Variants in NGEF observed in about 807,000 individuals in gnomAD.
The protein encoded by NGEF is neuronal guanine nucleotide exchange factor.
In NGEF, 31 loss-of-function variants were observed where a neutral mutation model predicts 80.9. The ratio of observed to expected loss-of-function variants is 0.38; its 90% CI spans 0.29 to 0.52. The LOEUF (loss-of-function observed/expected upper bound fraction) is 0.52, where lower values mean the gene tolerates loss of function less well. Ranked by LOEUF, NGEF falls within the 20% of genes least tolerant of loss-of-function variation. The pLI, the probability that NGEF is intolerant of heterozygous loss-of-function variation, is 0.84. For synonymous variants in NGEF, 371 were observed against 370.2 expected, an observed-to-expected ratio of 1.00 and a Z score of -0.03; for missense variants, 709 against 926.2, an observed-to-expected ratio of 0.77 and a Z score of 3.04.
chr2:232,919,511 C>G (rs1016622984), intron 5 of NGEF, among the ~76,000 whole-genome samples: 1 of 152,038 alleles, frequency 6.6e-6, no homozygotes, highest in African/African-American at 2.4e-5. Context: ...TTCACAATTT[C>G]TCTCCACCAT....
At chr2:232,890,479 C>A (rs1013233326) in intron 8 of NGEF, among the ~76,000 whole-genome samples, 3 of 152,120 alleles carry the variant, frequency 2.0e-5, no homozygotes, top group Non-Finnish European at 4.4e-5. Context: ...GCCAGCGAGT[C>A]CTGCCCAACT....
At chr2:232,881,883 T>C (rs549573308) in intron 13 of NGEF, among the ~76,000 whole-genome samples, 7 of 152,226 alleles carry the variant, frequency 4.6e-5, no homozygotes, top group Non-Finnish European at 8.8e-5. Context: ...GGCTTTTTTC[T>C]AGTTAAGCTT....
At chr2:232,922,499 A>G (rs185102925) in intron 4 of NGEF, among the ~76,000 whole-genome samples, 1 of 152,356 alleles carries the variant, frequency 6.6e-6, no homozygotes, top group African/African-American at 2.4e-5. Context: ...AAAGGAATAA[A>G]AAAGAAAATC....
chr2:232,907,084 G>A (rs1377854291), intron 5 of NGEF, among the ~76,000 whole-genome samples: 1 of 148,234 alleles, frequency 6.7e-6, no homozygotes, highest in Non-Finnish European at 1.5e-5. Context: ...TTGTTTGTCT[G>A]CTGACCTTCC....
At chr2:232,958,398 C>A (rs985191344) in intron 3 of NGEF, among the ~76,000 whole-genome samples, 13 of 152,198 alleles carry the variant, frequency 8.5e-5, no homozygotes, top group African/African-American at 2.2e-4. Context: ...CCAGTCTGCA[C>A]AGGTGTATCT....
chr2:232,893,065 G>T lies in NGEF; in HGVS notation c.990-15C>A, dbSNP rs201755906. ...CCAGGAGGAACCTACGAGAGGCAGC[G>T]GCTTGAGGCGGAGGGTGCCCGGGGG... On this transcript the variant is annotated splice_polypyrimidine_tract_variant and intron_variant, in intron 6 of 14. Transcript: ENST00000264051. The T allele has an allele frequency of 6.2e-7, 1 of 1,607,032 alleles. No homozygotes were observed. The highest frequency in any genetic ancestry group is 8.5e-7 in the Non-Finnish European group (1 of 1,176,062).
At chr2:232,950,043 C>T (rs1345006761) in intron 3 of NGEF, among the ~76,000 whole-genome samples, 1 of 152,086 alleles carries the variant, frequency 6.6e-6, no homozygotes, top group Non-Finnish European at 1.5e-5. Context: ...AACTGCTGAC[C>T]TCAGGTGATA....
At chr2:232,891,210 C>A (rs901323678) in intron 8 of NGEF, 148 bp downstream of exon 8, 1 of 1,085,882 alleles carries the variant, frequency 9.2e-7, no homozygotes, top group Non-Finnish European at 1.4e-6. Context: ...GCGCTGCATC[C>A]TCACTGCCCA....
At position 232,881,192 on chromosome 2, in the gene NGEF, C is replaced by T. The variant is rs1158579564; in HGVS notation, c.1896G>A (p.Thr632=). ...PYVAQQPDEL[T]LELADILNIL... ...TGTTGAGGATGTCGGCGAGCTCCAGCGTCAGCTCGTCTGGCTGCTGAGCCA... is the reference window on the plus strand; with the variant it reads ...TGTTGAGGATGTCGGCGAGCTCCAGTGTCAGCTCGTCTGGCTGCTGAGCCA... The change falls in exon 14 of 15, where the codon ACG becomes ACA. Residue 632 remains threonine (T), a synonymous_variant. Transcript: ENST00000264051. 13 of 1,611,784 alleles carry T rather than the reference C, an allele frequency of 8.1e-6. No individual in the cohort carries two copies. Among genetic ancestry groups the T allele is most frequent in the East Asian group, 2.2e-5 (1 of 44,872 alleles).
intron 1 of NGEF, among the ~76,000 whole-genome samples, chr2:233,006,629 T>C (rs1695088930): frequency 6.6e-6 from 1 of 152,196 alleles, no homozygotes; most frequent in South Asian, 2.1e-4. Context: ...TTAACTGTTG[T>C]ATTGGAAAAA....
At chr2:232,962,001 A>G (rs1453769539) in intron 3 of NGEF, among the ~76,000 whole-genome samples, 2 of 152,202 alleles carry the variant, frequency 1.3e-5, no homozygotes, top group Admixed American at 6.5e-5. Context: ...CTTCATTCTT[A>G]TAAAGATGGA....
intron 5 of NGEF, among the ~76,000 whole-genome samples, chr2:232,912,059 GAACA>G (rs1692699724): frequency 6.6e-6 from 1 of 152,168 alleles, no homozygotes; most frequent in African/African-American, 2.4e-5. Context: ...AGCAGTGAAG[GAACA>G]GACAGCCTTC....
chr2:232,985,579 T>A (rs1197961389), intron 1 of NGEF, among the ~76,000 whole-genome samples: 1 of 151,996 alleles, frequency 6.6e-6, no homozygotes, highest in Non-Finnish European at 1.5e-5. Context: ...GGTGAAACCC[T>A]GTCTCTAATA....
chr2:232,962,362 C>A (rs527479754), intron 3 of NGEF, among the ~76,000 whole-genome samples: 7 of 152,034 alleles, frequency 4.6e-5, no homozygotes, highest in African/African-American at 1.7e-4. Context: ...CATGGTGAAA[C>A]CCTGTCTCTA....
chr2:232,881,674 C>T (rs1691509121), intron 13 of NGEF, among the ~76,000 whole-genome samples: 2 of 152,132 alleles, frequency 1.3e-5, no homozygotes. Context: ...CCTCCACATG[C>T]CAGGTTCAAG....
chr2:232,973,241 C>T (rs181255728), intron 2 of NGEF, among the ~76,000 whole-genome samples: 5 of 152,304 alleles, frequency 3.3e-5, no homozygotes, highest in Admixed American at 6.5e-5. Context: ...CCAGCTTCCT[C>T]GTGTGTGAGA....
intron 1 of NGEF, among the ~76,000 whole-genome samples, chr2:232,987,395 A>AC (rs1217130024): frequency 1.3e-5 from 2 of 152,136 alleles, no homozygotes; most frequent in African/African-American, 4.8e-5. Flanking sequence ...TCTGCTGGCA[A>AC]CCTGAGGGAT....
At position 232,905,176 on chromosome 2, in the gene NGEF, C is replaced by G. The variant is rs576975569; in HGVS notation, c.829-10260G>C. The stretch of plus-strand genomic sequence containing the variant: ...AGCCAAAGCTGGACTGTCCTGCTGC[C>G]ATCTCGGCTCACTGCAACCTCCCTG... On this transcript the variant is annotated intron_variant, in intron 5 of 14. Transcript: ENST00000264051. 1.9e-4 allele frequency among the ~76,000 whole-genome samples: 29 copies of G among 152,310 alleles called. No homozygotes were observed. In the East Asian group the frequency reaches 3.9e-3, roughly 20 times the overall value.
At chr2:232,999,667 G>C (rs548941879) in intron 1 of NGEF, among the ~76,000 whole-genome samples, 1 of 152,236 alleles carries the variant, frequency 6.6e-6, no homozygotes, top group Non-Finnish European at 1.5e-5. Flanking sequence ...GCAAGCTCCC[G>C]CCTGTGGGCA....
Sources: allele counts gnomAD v4.1 joint callset (sites outside exome capture counted in the v4.1 genomes callset), GRCh38; gene constraint gnomAD v4.1.1; transcripts MANE v1.5; gene names NCBI Gene and HGNC (gene_info 2026-07-23, HGNC 2026-07-21).